PARN: variants seen among roughly 807,000 people sequenced by gnomAD.
PARN encodes the protein poly(A)-specific ribonuclease.
Under a neutral mutation model 102.8 loss-of-function variants are expected in PARN, and 71 were observed. The observed-to-expected ratio is 0.69, with a 90% CI of 0.57 to 0.84. PARN has a LOEUF of 0.84. Ranked by LOEUF, PARN falls within the 40% of genes least tolerant of loss-of-function variation. PARN has a pLI of 0.00. For missense variants in PARN, 782 were observed against 760.9 expected (o/e 1.03, Z -0.33); for synonymous variants, 261 against 252.9 (o/e 1.03, Z -0.30).
At position 14,618,315 on chromosome 16, in the gene PARN, G is replaced by A. The variant is rs368323708; in HGVS notation, c.328-665C>T. ...ATCCTGGCTAACATGGTCAAACTCC[G>A]TCTCTACTAAAAATAAAAATAAATT... On this transcript the variant is annotated intron_variant, in intron 5 of 23. Transcript: ENST00000437198. 2.2e-4 allele frequency among the ~76,000 whole-genome samples: 33 copies of A among 152,086 alleles called. No individual in the cohort carries two copies. The South Asian group carries it at 5.4e-3, about 25-fold the overall frequency.
At chr16:14,570,815 CAAAA>C (rs761919651) in intron 18 of PARN, among the ~76,000 whole-genome samples, 3 of 38,750 alleles carry the variant, frequency 7.7e-5, no homozygotes, top group African/African-American at 2.6e-4. Flanking sequence ...CCCACCTCTA[CAAAA>C]AAAAAAAAAA....
intron 18 of PARN, among the ~76,000 whole-genome samples, chr16:14,558,907 C>G (rs1264771891): frequency 6.6e-6 from 1 of 152,120 alleles, no homozygotes; most frequent in Non-Finnish European, 1.5e-5. Flanking sequence ...GCTACCAGAA[C>G]TGAGAAGCCC....
chr16:14,604,103 G>T, intron 11 of PARN, 43 bp downstream of exon 11: 1 of 1,069,812 alleles, frequency 9.3e-7, no homozygotes, highest in Non-Finnish European at 1.4e-6. Flanking sequence ...CAATATTTAT[G>T]TTGCCATTTC....
chr16:14,495,098 C>T (rs1964243763), intron 21 of PARN, among the ~76,000 whole-genome samples: 1 of 152,028 alleles, frequency 6.6e-6, no homozygotes, highest in Admixed American at 6.6e-5. Context: ...CTTTAATCCT[C>T]GTATGGATGG....
intron 2 of PARN, among the ~76,000 whole-genome samples, chr16:14,628,786 G>A (rs1972836613): frequency 6.6e-6 from 1 of 152,154 alleles, no homozygotes; most frequent in African/African-American, 2.4e-5. Flanking sequence ...ATTCCTTCAT[G>A]ATTCAAACAT....
chr16:14,436,857 AG>A, intron 23 of PARN, 85 bp from the exon 24 acceptor site: 1 of 1,006,146 alleles, frequency 9.9e-7, no homozygotes, highest in Non-Finnish European at 1.5e-6. Flanking sequence ...AGACAGACAG[AG>A]GGCCTGTGAC....
chr16:14,547,687 G>A lies in PARN; in HGVS notation c.1480+4334C>T, dbSNP rs549279724. On this transcript the variant is annotated intron_variant, in intron 21 of 23. Transcript: ENST00000437198. The stretch of plus-strand genomic sequence containing the variant: ...ATCATGCCACCACACTCCAGCTTGG[G>A]CAACAGAGTGAAACCCAGTCTCCCA... 1.5e-3 allele frequency among the ~76,000 whole-genome samples: 233 copies of A among 152,102 alleles called. 2 individuals are homozygous for A. Among genetic ancestry groups the A allele is most frequent in the African/African-American group, 5.4e-3 (225 of 41,476 alleles).
intron 21 of PARN, among the ~76,000 whole-genome samples, chr16:14,548,769 A>C (rs996126367): frequency 1.3e-5 from 2 of 152,342 alleles, no homozygotes; most frequent in Admixed American, 1.3e-4. Flanking sequence ...GGCCTGGCCA[A>C]CATAGCAAAA....
intron 20 of PARN, 26 bp from the exon 21 acceptor site, chr16:14,552,121 T>C: frequency 6.9e-7 from 1 of 1,449,628 alleles, no homozygotes; most frequent in Non-Finnish European, 9.7e-7. Context: ...AAAAGTAAAG[T>C]GAACATTTGA....
chr16:14,571,262 T>C (rs1968791653), intron 18 of PARN, among the ~76,000 whole-genome samples: 1 of 150,308 alleles, frequency 6.7e-6, no homozygotes, highest in Admixed American at 6.7e-5. Flanking sequence ...CGGGCACCTG[T>C]AATCCCAGCT....
At chr16:14,573,223 T>C (rs1305003261) in intron 18 of PARN, among the ~76,000 whole-genome samples, 1 of 152,224 alleles carries the variant, frequency 6.6e-6, no homozygotes. Context: ...TTGTATATAT[T>C]GATATGTACA....
intron 21 of PARN, among the ~76,000 whole-genome samples, chr16:14,538,619 A>C (rs1966718055): frequency 6.6e-6 from 1 of 152,182 alleles, no homozygotes; most frequent in South Asian, 2.1e-4. Flanking sequence ...ATTGCAATTA[A>C]ATTAGAGAGA....
At chr16:14,581,604 G>A (rs1274362246) in intron 17 of PARN, among the ~76,000 whole-genome samples, 1 of 152,108 alleles carries the variant, frequency 6.6e-6, no homozygotes, top group East Asian at 1.9e-4. Context: ...ATTAAGTCAC[G>A]AGGGAATTAG....
At chr16:14,629,860 G>A (rs554089252) in intron 1 of PARN, among the ~76,000 whole-genome samples, 186 bp from the exon 2 acceptor site, 4 of 152,340 alleles carry the variant, frequency 2.6e-5, no homozygotes, top group South Asian at 2.1e-4. Context: ...AGCCCCGGGG[G>A]GTGCCCGGCC....
intron 21 of PARN, among the ~76,000 whole-genome samples, chr16:14,506,130 C>T (rs1431228432): frequency 1.3e-5 from 2 of 152,198 alleles, no homozygotes; most frequent in Non-Finnish European, 2.9e-5. Flanking sequence ...CCGCCAGAAA[C>T]ATTTAATCTG....
intron 19 of PARN, among the ~76,000 whole-genome samples, chr16:14,555,356 CT>C (rs1967614503): frequency 6.6e-6 from 1 of 152,084 alleles, no homozygotes; most frequent in Non-Finnish European, 1.5e-5. Context: ...TCTTAAAAAT[CT>C]ATTATAAATA....
chr16:14,606,417 A>G (rs1971185895), intron 10 of PARN, 67 bp downstream of exon 10: 3 of 878,950 alleles, frequency 3.4e-6, no homozygotes, highest in East Asian at 2.8e-5. Context: ...AAGAAAAAAA[A>G]AAGAAACCCC....
intron 18 of PARN, chr16:14,564,994 A>G (rs1968345064): frequency 6.6e-6 from 1 of 152,298 alleles, no homozygotes; most frequent in East Asian, 1.9e-4. Flanking sequence ...CAAGCCTTCT[A>G]AAGAGAAATT....
chr16:14,438,852 C>T (rs1367120664), intron 23 of PARN, among the ~76,000 whole-genome samples: 1 of 152,176 alleles, frequency 6.6e-6, no homozygotes, highest in Admixed American at 6.5e-5. Context: ...TAGGAGCCAT[C>T]TACAGGAGAC....
Sources: gnomAD v4.1 joint callset for allele counts (sites outside exome capture counted in the v4.1 genomes callset) on GRCh38, gnomAD v4.1.1 for gene constraint, MANE v1.5 for transcripts, NCBI Gene and HGNC (gene_info 2026-07-23, HGNC 2026-07-21) for gene names.